Variants in GRID1 observed in about 807,000 individuals in gnomAD.
GRID1 encodes glutamate ionotropic receptor delta type subunit 1, also known as glutamate receptor ionotropic, delta-1.
GRID1 carries 28 observed loss-of-function variants against 98.0 expected under a neutral mutation model. The ratio of observed to expected loss-of-function variants is 0.29; its 90% CI spans 0.21 to 0.39. GRID1 has a LOEUF of 0.39. Ranked by LOEUF, GRID1 falls within the 10% of genes least tolerant of loss-of-function variation. The pLI is 1.00. For synonymous variants in GRID1, 553 were observed against 538.5 expected (o/e 1.03, Z -0.37); for missense variants, 1,111 against 1,340.5 (o/e 0.83, Z 2.67).
intron 13 of GRID1, among the ~76,000 whole-genome samples, chr10:85,643,287 C>A: frequency 6.6e-6 from 1 of 151,974 alleles, no homozygotes; most frequent in East Asian, 1.9e-4. Flanking sequence ...AGGCTGCCTA[C>A]ACTGCATGGC....
chr10:85,984,622 C>A (rs1035927522), intron 4 of GRID1, among the ~76,000 whole-genome samples: 2 of 152,158 alleles, frequency 1.3e-5, no homozygotes, highest in African/African-American at 4.8e-5. Context: ...CCCAGCATAT[C>A]CCAGCACCTG....
chr10:85,935,762 C>T (rs987128503), intron 4 of GRID1, among the ~76,000 whole-genome samples: 2 of 152,172 alleles, frequency 1.3e-5, no homozygotes, highest in African/African-American at 4.8e-5. Flanking sequence ...CTCTGTATTT[C>T]GGATGAGTAA....
chr10:85,976,923 T>C (rs1842480150), intron 4 of GRID1, among the ~76,000 whole-genome samples: 1 of 152,260 alleles, frequency 6.6e-6, no homozygotes, highest in South Asian at 2.1e-4. Flanking sequence ...TGTCTGCAAC[T>C]ACCAGAGATG....
At chr10:85,927,412 C>T (rs1426813704) in intron 4 of GRID1, among the ~76,000 whole-genome samples, 1 of 152,116 alleles carries the variant, frequency 6.6e-6, no homozygotes, top group Non-Finnish European at 1.5e-5. Context: ...ACAGGGTCTT[C>T]TGCCAGGCAG....
At chr10:85,908,409 A>G (rs1188294874) in intron 5 of GRID1, among the ~76,000 whole-genome samples, 1 of 152,248 alleles carries the variant, frequency 6.6e-6, no homozygotes, top group Non-Finnish European at 1.5e-5. Context: ...ACAACTGGAA[A>G]TTAAAATTTG....
chr10:86,003,948 C>T (rs542087030), intron 4 of GRID1, among the ~76,000 whole-genome samples: 1 of 152,360 alleles, frequency 6.6e-6, no homozygotes, highest in South Asian at 2.1e-4. Context: ...CTGTTCACTA[C>T]AGCACTGCCC....
At chr10:85,620,809 C>T (rs1287112696) in intron 13 of GRID1, among the ~76,000 whole-genome samples, 1 of 152,230 alleles carries the variant, frequency 6.6e-6, no homozygotes, top group Non-Finnish European at 1.5e-5. Context: ...AATAAGCACA[C>T]ATATATGCAC....
chr10:85,895,024 T>A lies in GRID1; in HGVS notation c.780+21162A>T, dbSNP rs955799468. On this transcript the variant is annotated intron_variant, in intron 5 of 15. Transcript: ENST00000327946. The stretch of plus-strand genomic sequence containing the variant: ...CTCAAAAAAAAAAAAAAAATATATA[T>A]ATATATATATATATATGTAAAATAT... Among the ~76,000 whole-genome samples the A allele has an allele frequency of 3.5e-3, 502 of 143,020 alleles. 4 individuals are homozygous for A. The highest frequency in any genetic ancestry group is 0.011 in the African/African-American group (414 of 38,392). 93.8% of individuals were successfully genotyped at this position (143,020 alleles called of 152,430 possible).
At chr10:85,815,661 G>A (rs1259936618) in intron 8 of GRID1, among the ~76,000 whole-genome samples, 1 of 151,844 alleles carries the variant, frequency 6.6e-6, no homozygotes, top group Non-Finnish European at 1.5e-5. Flanking sequence ...TTGAACTTAG[G>A]TTTCTAGAAG....
At chr10:86,301,906 T>C (rs1027690301) in intron 2 of GRID1, among the ~76,000 whole-genome samples, 7 of 152,234 alleles carry the variant, frequency 4.6e-5, no homozygotes, top group Non-Finnish European at 8.8e-5. Flanking sequence ...TTCATTGGTT[T>C]TGTACCTGAA....
intron 4 of GRID1, among the ~76,000 whole-genome samples, chr10:85,978,417 C>T (rs953378599): frequency 2.0e-5 from 3 of 152,164 alleles, no homozygotes; most frequent in Non-Finnish European, 4.4e-5. Context: ...ATAAATAAGG[C>T]ATAATAAATT....
intron 2 of GRID1, among the ~76,000 whole-genome samples, chr10:86,284,424 A>G (rs926350231): frequency 2.6e-5 from 4 of 152,212 alleles, no homozygotes; most frequent in African/African-American, 9.6e-5. Flanking sequence ...AGGAACTGAG[A>G]GGTTCCATCT....
intron 4 of GRID1, among the ~76,000 whole-genome samples, chr10:86,022,360 C>A (rs1301139584): frequency 6.6e-6 from 1 of 152,146 alleles, no homozygotes; most frequent in African/African-American, 2.4e-5. Flanking sequence ...CTCAGTAGCA[C>A]CGGCCCCATT....
intron 8 of GRID1, among the ~76,000 whole-genome samples, chr10:85,782,975 C>T (rs1842394139): frequency 6.6e-6 from 1 of 152,172 alleles, no homozygotes; most frequent in East Asian, 1.9e-4. Flanking sequence ...CAGAACGGCA[C>T]TAGAAATGCC....
chr10:86,241,546 C>T (rs868783427), intron 2 of GRID1, among the ~76,000 whole-genome samples: 1 of 152,278 alleles, frequency 6.6e-6, no homozygotes, highest in African/African-American at 2.4e-5. Context: ...AACTCCCCCC[C>T]ACCGCTATCT....
rs575366385 is a variant in GRID1, at chr10:85,745,567, G to A, written c.1234-15953C>T. On this transcript the variant is annotated intron_variant, in intron 8 of 15. Coordinates refer to ENST00000327946, the MANE Select transcript of GRID1 (RefSeq NM_017551.3). ...AAGGGGAATATCACACTCTGGGGAC[G>A]GTGGTGGGGTCGAAGGAGAGGGGAG... Among the ~76,000 whole-genome samples, 13 of 125,700 alleles carry A rather than the reference G, an allele frequency of 1.0e-4. No homozygotes were observed. The East Asian group carries it at 1.5e-3, about 14-fold the overall frequency. The allele number at this position is 125,700 out of a possible 152,430, so 82.5% of individuals were successfully genotyped here. A position where few individuals can be genotyped will look rare whatever the true frequency, so the allele number is the denominator to read the frequency against.
rs781741757 is a variant in GRID1, at chr10:86,285,184, G to A, written c.236-78536C>T. Among the ~76,000 whole-genome samples the A allele has an allele frequency of 5.3e-4, 80 of 151,584 alleles. 1 individual carries two copies. The highest frequency in any genetic ancestry group is 2.4e-3 in the Admixed American group (37 of 15,198). On this transcript the variant is annotated intron_variant, in intron 2 of 15. Coordinates refer to ENST00000327946, the MANE Select transcript of GRID1 (RefSeq NM_017551.3). Reference sequence around the variant, plus strand: ...CAAACACCACACCAGCACCAGTAGTGTCAGACTCCACAGCCTATGAGGCCC... The same window carrying A: ...CAAACACCACACCAGCACCAGTAGTATCAGACTCCACAGCCTATGAGGCCC...
chr10:86,057,072 AT>A (rs1843584912), intron 4 of GRID1, among the ~76,000 whole-genome samples: 1 of 152,188 alleles, frequency 6.6e-6, no homozygotes, highest in Non-Finnish European at 1.5e-5. Flanking sequence ...CTAACAAGAC[AT>A]GGTCCTGGCC....
At chr10:85,870,320 G>A (rs891712519) in intron 5 of GRID1, among the ~76,000 whole-genome samples, 13 of 152,184 alleles carry the variant, frequency 8.5e-5, no homozygotes, top group Admixed American at 1.3e-4. Context: ...TTACACCAGC[G>A]ATTTTCCAGC....
Sources: allele counts gnomAD v4.1 joint callset (sites outside exome capture counted in the v4.1 genomes callset), GRCh38; gene constraint gnomAD v4.1.1; transcripts MANE v1.5; gene names NCBI Gene and HGNC (gene_info 2026-07-23, HGNC 2026-07-21).